RUNX2: variants seen among roughly 807,000 people sequenced by gnomAD.
RUNX2 encodes runt-related transcription factor 2.
In RUNX2, 10 loss-of-function variants were observed where a neutral mutation model predicts 51.7. That is an observed-to-expected ratio of 0.19 (90% CI 0.12 to 0.33). The LOEUF is 0.33. RUNX2 is among the 10% of genes least tolerant of loss of function. RUNX2 has a pLI of 1.00. For missense variants in RUNX2, 562 were observed against 691.3 expected (o/e 0.81, Z 2.10); for synonymous variants, 276 against 273.6 (o/e 1.01, Z -0.09).
intron 5 of RUNX2, among the ~76,000 whole-genome samples, 174 bp from the exon 6 acceptor site, chr6:45,491,767 T>C (rs1275852595): frequency 6.6e-6 from 1 of 151,872 alleles, no homozygotes; most frequent in Non-Finnish European, 1.5e-5. Flanking sequence ...GGCCACCAGA[T>C]ACCGCTTATA....
At chr6:45,376,187 T>C (rs1290384971) in intron 2 of RUNX2, among the ~76,000 whole-genome samples, 1 of 152,108 alleles carries the variant, frequency 6.6e-6, no homozygotes, top group Non-Finnish European at 1.5e-5. Context: ...TTGCTTTAAT[T>C]TGTCAAGATG....
Position 45,422,712 on chromosome 6 carries a change from C to A in RUNX2, c.178C>A (p.Gln60Lys). 6 of 1,589,450 alleles carry A rather than the reference C, an allele frequency of 3.8e-6. No individual in the cohort carries two copies. Among genetic ancestry groups the A allele is most frequent in the Non-Finnish European group, 5.1e-6 (6 of 1,168,730 alleles). The change falls in exon 3 of 9, where the codon CAG becomes AAG. Residue 60 changes from glutamine to lysine, a missense_variant. Physicochemically the swap from Gln to Lys is moderately conservative, Grantham distance 53. Around this residue, in one of 5 missense-constraint regions of RUNX2, gnomAD observed 153 missense variants for 144.8 expected, o/e 1.06. Transcript: ENST00000647337. Reference protein sequence around the residue: ...QQQQQQQQQQQQQQQQQQQQQ... With the variant: ...QQQQQQQQQQKQQQQQQQQQQ... Reference sequence around the variant, plus strand: ...GCAGCAACAGCAGCAGCAGCAACAGCAGCAGCAGCAGCAGCAACAGCAGCA... The same window carrying A: ...GCAGCAACAGCAGCAGCAGCAACAGAAGCAGCAGCAGCAGCAACAGCAGCA...
chr6:45,499,624 G>A (rs919310055), intron 6 of RUNX2, among the ~76,000 whole-genome samples: 6 of 152,114 alleles, frequency 3.9e-5, no homozygotes, highest in South Asian at 2.1e-4. Flanking sequence ...ACTTTAGTAC[G>A]CTTTCAGAAA....
chr6:45,508,120 G>C (rs1801028163), intron 6 of RUNX2, among the ~76,000 whole-genome samples: 1 of 151,646 alleles, frequency 6.6e-6, no homozygotes, highest in Non-Finnish European at 1.5e-5. Flanking sequence ...GGTGTTTGGA[G>C]ACCATGGCTT....
At chr6:45,507,465 C>A (rs1215152345) in intron 6 of RUNX2, among the ~76,000 whole-genome samples, 1 of 152,138 alleles carries the variant, frequency 6.6e-6, no homozygotes, top group East Asian at 1.9e-4. Flanking sequence ...TTTATGAGAT[C>A]AGGTTAAGGT....
chr6:45,387,483 C>T (rs565993512), intron 2 of RUNX2, among the ~76,000 whole-genome samples: 19 of 152,248 alleles, frequency 1.2e-4, no homozygotes, highest in Non-Finnish European at 2.4e-4. Flanking sequence ...GTGGGCACAG[C>T]GGAAGCCAAA....
At chr6:45,383,588 G>C (rs943223513) in intron 2 of RUNX2, among the ~76,000 whole-genome samples, 1 of 151,866 alleles carries the variant, frequency 6.6e-6, no homozygotes, top group Non-Finnish European at 1.5e-5. Flanking sequence ...GAAAGTTTGA[G>C]AAAAGCTAAA....
At chr6:45,349,604 T>C (rs1485717685) in intron 2 of RUNX2, among the ~76,000 whole-genome samples, 1 of 152,212 alleles carries the variant, frequency 6.6e-6, no homozygotes, top group Non-Finnish European at 1.5e-5. Context: ...TAATGCACAC[T>C]AAGGTTTGGG....
At chr6:45,328,571 T>C in intron 1 of RUNX2, 90 bp from the exon 2 acceptor site, 1 of 1,580,562 alleles carries the variant, frequency 6.3e-7, no homozygotes, top group African/African-American at 1.4e-5. Flanking sequence ...GCTACATAAT[T>C]TCTTGACAGA....
At chr6:45,438,683 G>A (rs900400143) in intron 5 of RUNX2, among the ~76,000 whole-genome samples, 3 of 152,208 alleles carry the variant, frequency 2.0e-5, no homozygotes, top group South Asian at 2.1e-4. Context: ...AGGTTTCACC[G>A]GCAATCAGTT....
chr6:45,467,855 T>A (rs1799681870), intron 5 of RUNX2, among the ~76,000 whole-genome samples: 1 of 152,194 alleles, frequency 6.6e-6, no homozygotes, highest in Admixed American at 6.5e-5. Context: ...AAATAATATA[T>A]CTCTGTAAAA....
intron 5 of RUNX2, among the ~76,000 whole-genome samples, chr6:45,482,303 T>C (rs1171013048): frequency 2.0e-5 from 3 of 152,236 alleles, no homozygotes; most frequent in African/African-American, 4.8e-5. Context: ...GGGATTATAC[T>C]GTAAGCACGT....
At position 45,548,854 on chromosome 6, in the gene RUNX2, T is replaced by A. The variant is rs757660837; in HGVS notation, c.*1549T>A. On this transcript the variant is annotated 3_prime_UTR_variant, in exon 9 of 9. Transcript: ENST00000647337. ...CAATCTGCCTTACCCAAGGCCCCAC[T>A]GGCAGCTTTCCACAGAATTTGCATT... 36 of 295,464 alleles carry A rather than the reference T, an allele frequency of 1.2e-4. No homozygotes were observed. The highest frequency in any genetic ancestry group is 2.2e-4 in the Non-Finnish European group (36 of 160,870). 18.3% of individuals were successfully genotyped at this position (295,464 alleles called of 1,614,324 possible). A position where few individuals can be genotyped will look rare whatever the true frequency, so the allele number is the denominator to read the frequency against.
At chr6:45,400,061 AGGAAGGAAAGAAGGAGGGAG>A in intron 2 of RUNX2, among the ~76,000 whole-genome samples, 1 of 105,624 alleles carries the variant, frequency 9.5e-6, no homozygotes, top group Admixed American at 9.7e-5. Context: ...GAGGGAGGGA[AGGAAGGAAAGAAGGAGGGAG>A]GGAAGGAAGG....
chr6:45,514,305 T>C (rs1801253883), intron 7 of RUNX2, among the ~76,000 whole-genome samples: 3 of 152,228 alleles, frequency 2.0e-5, no homozygotes, highest in South Asian at 2.1e-4. Context: ...AGCCAGATTA[T>C]TTCAAGTTAC....
At chr6:45,407,530 C>T (rs1383416767) in intron 2 of RUNX2, among the ~76,000 whole-genome samples, 1 of 152,090 alleles carries the variant, frequency 6.6e-6, no homozygotes, top group Non-Finnish European at 1.5e-5. Flanking sequence ...CCCCCTCTGT[C>T]CACCAGGCTG....
chr6:45,399,349 C>CTTTTTTTTTTTTTTTTTTTTTTT (rs398048486), intron 2 of RUNX2, among the ~76,000 whole-genome samples: 2 of 57,376 alleles, frequency 3.5e-5, no homozygotes, highest in Non-Finnish European at 3.4e-5. Context: ...CTTTTCTTTC[C>CTTTTTTTTTTTTTTTTTTTTTTT]TTTTTTTTTT....
chr6:45,467,072 T>C (rs1799654579), intron 5 of RUNX2, among the ~76,000 whole-genome samples: 1 of 152,212 alleles, frequency 6.6e-6, no homozygotes, highest in Non-Finnish European at 1.5e-5. Flanking sequence ...TCCCACGGCT[T>C]GACTGTTGTC....
chr6:45,479,894 C>T (rs1317750898), intron 5 of RUNX2, among the ~76,000 whole-genome samples: 2 of 152,156 alleles, frequency 1.3e-5, no homozygotes, highest in Non-Finnish European at 2.9e-5. Context: ...CCATTTAACA[C>T]TACATTTGAT....
Sources: allele counts gnomAD v4.1 joint callset (sites outside exome capture counted in the v4.1 genomes callset), GRCh38; gene constraint gnomAD v4.1.1; regional missense constraint gnomAD v4.1.1; transcripts MANE v1.5; gene names NCBI Gene and HGNC (gene_info 2026-07-23, HGNC 2026-07-21).